ZPBP: variants seen among roughly 807,000 people sequenced by gnomAD.
ZPBP encodes zona pellucida-binding protein 1.
Under a neutral mutation model 44.8 loss-of-function variants are expected in ZPBP, and 26 were observed. The ratio of observed to expected loss-of-function variants is 0.58; its 90% confidence interval spans 0.43 to 0.81. ZPBP has a LOEUF of 0.81. Among genes scored for constraint, ZPBP ranks in the 30% least tolerant of loss-of-function variants. ZPBP has a pLI of 0.00. For synonymous variants in ZPBP, 174 were observed against 153.2 expected, an observed-to-expected ratio of 1.14 and a Z score of -1.00; for missense variants, 409 against 434.0, an observed-to-expected ratio of 0.94 and a Z score of 0.51.
intron 6 of ZPBP, among the ~76,000 whole-genome samples, chr7:50,010,767 C>A (rs1305376119): frequency 2.6e-5 from 4 of 151,980 alleles, no homozygotes; most frequent in African/African-American, 9.7e-5. Context: ...GTCAAAATGA[C>A]CATCTTACCA....
intron 2 of ZPBP, among the ~76,000 whole-genome samples, chr7:49,896,406 C>T (rs1792383692): frequency 1.3e-5 from 2 of 152,126 alleles, no homozygotes; most frequent in South Asian, 2.1e-4. Context: ...AAAAGGAAAA[C>T]ATATGGAATG....
intron 2 of ZPBP, among the ~76,000 whole-genome samples, chr7:49,883,375 A>G (rs1791758565): frequency 1.3e-5 from 2 of 152,196 alleles, no homozygotes; most frequent in South Asian, 4.1e-4. Context: ...TTCGTCTGAA[A>G]TAAATGTACT....
chr7:49,882,653 C>T (rs1583748070), intron 2 of ZPBP, among the ~76,000 whole-genome samples: 1 of 152,038 alleles, frequency 6.6e-6, no homozygotes, highest in African/African-American at 2.4e-5. Flanking sequence ...GTAAACACTA[C>T]GTCTCATCCC....
chr7:49,860,245 T>C (rs773297899), intron 2 of ZPBP, among the ~76,000 whole-genome samples: 7 of 152,224 alleles, frequency 4.6e-5, no homozygotes, highest in Non-Finnish European at 7.3e-5. Flanking sequence ...TGTTAAGTGG[T>C]ATCTCCTCAT....
chr7:50,040,239 G>A (rs1800007608), intron 4 of ZPBP, among the ~76,000 whole-genome samples: 1 of 152,190 alleles, frequency 6.6e-6, no homozygotes, highest in African/African-American at 2.4e-5. Context: ...GTCTACATGA[G>A]ATGCACTTTA....
chr7:50,055,278 T>C (rs1342390881), intron 4 of ZPBP, among the ~76,000 whole-genome samples: 1 of 152,124 alleles, frequency 6.6e-6, no homozygotes, highest in Non-Finnish European at 1.5e-5. Flanking sequence ...AAATAATAAT[T>C]AACTGAAGAA....
At chr7:49,925,763 C>T (rs1384632) in intron 1 of ZPBP, among the ~76,000 whole-genome samples, 118,408 of 152,228 alleles carry the variant, frequency 0.78, 46,219 homozygotes, top group East Asian at 0.89. Flanking sequence ...GCCACATCAT[C>T]GGCCGCTGTC....
At chr7:49,974,076 G>T (rs764348063) in intron 7 of ZPBP, among the ~76,000 whole-genome samples, 2 of 152,054 alleles carry the variant, frequency 1.3e-5, no homozygotes, top group African/African-American at 2.4e-5. Context: ...CTTGTATAAG[G>T]TACCAAAAGT....
At chr7:49,915,521 T>TA (rs1392364827) in intron 1 of ZPBP, 5 of 152,190 alleles carry the variant, frequency 3.3e-5, no homozygotes, top group Admixed American at 3.3e-4. Context: ...TTAAAAGTCC[T>TA]AAAAAATCAT....
chr7:49,969,398 C>A, intron 7 of ZPBP, among the ~76,000 whole-genome samples: 1 of 149,350 alleles, frequency 6.7e-6, no homozygotes. Context: ...ACAAAACTGA[C>A]ACAAAATATA....
Position 50,073,146 on chromosome 7 carries a change from C to T in ZPBP, c.334+8628G>A, listed in dbSNP as rs185943562. On this transcript the variant is annotated intron_variant, in intron 3 of 7. Transcript: ENST00000046087. ...ATTTAAAATAGCTATGTTGAAGAAA[C>T]TCAAAGAAATTCAAGATAGTACAGA... Among the ~76,000 whole-genome samples the T allele has an allele frequency of 3.1e-4, 47 of 152,064 alleles. No individual in the cohort carries two copies. In the East Asian group the frequency reaches 9.1e-3, roughly 29 times the overall value.
At chr7:50,076,284 A>C (rs4917113) in intron 3 of ZPBP, among the ~76,000 whole-genome samples, 125,868 of 151,804 alleles carry the variant, frequency 0.83, 52,226 homozygotes, top group East Asian at 0.88. Flanking sequence ...ATAATAAAAG[A>C]CTTATACAAC....
At chr7:49,876,171 C>T (rs536316808) in intron 2 of ZPBP, among the ~76,000 whole-genome samples, 1 of 152,258 alleles carries the variant, frequency 6.6e-6, no homozygotes, top group African/African-American at 2.4e-5. Context: ...TGTATAAGAA[C>T]TTGGTAACCT....
At chr7:49,928,075 G>A (rs1258808932) in intron 1 of ZPBP, among the ~76,000 whole-genome samples, 3 of 152,144 alleles carry the variant, frequency 2.0e-5, no homozygotes, top group Non-Finnish European at 4.4e-5. Flanking sequence ...AGAAAATTGG[G>A]CACTCAGAAG....
At chr7:49,881,930 C>G (rs1215776552) in intron 2 of ZPBP, among the ~76,000 whole-genome samples, 1 of 151,896 alleles carries the variant, frequency 6.6e-6, no homozygotes, top group East Asian at 1.9e-4. Context: ...TTAAAATTTT[C>G]CTTTCCTTTT....
chr7:50,090,209 T>C (rs186037586), intron 1 of ZPBP, among the ~76,000 whole-genome samples: 71 of 152,234 alleles, frequency 4.7e-4, no homozygotes, highest in African/African-American at 1.7e-3. Context: ...TAATAAACAC[T>C]AAACCCAATT....
intron 2 of ZPBP, among the ~76,000 whole-genome samples, chr7:49,866,558 G>A (rs930012398): frequency 3.3e-5 from 5 of 151,896 alleles, no homozygotes; most frequent in African/African-American, 1.2e-4. Context: ...TTTCGAGTTC[G>A]GGCTTGCCCA....
At chr7:50,021,046 G>A (rs1799069994) in intron 5 of ZPBP, among the ~76,000 whole-genome samples, 1 of 151,754 alleles carries the variant, frequency 6.6e-6, no homozygotes, top group African/African-American at 2.4e-5. Flanking sequence ...CACTGAAGAG[G>A]CAGAAGGATC....
At chr7:50,067,802 C>T (rs1004105498) in intron 3 of ZPBP, among the ~76,000 whole-genome samples, 9 of 152,304 alleles carry the variant, frequency 5.9e-5, no homozygotes, top group African/African-American at 2.2e-4. Flanking sequence ...AATAAGGAAG[C>T]CATCCAAGTG....
Sources: allele counts gnomAD v4.1 joint callset (sites outside exome capture counted in the v4.1 genomes callset), GRCh38; gene constraint gnomAD v4.1.1; transcripts MANE v1.5; gene names NCBI Gene and HGNC (gene_info 2026-07-23, HGNC 2026-07-21).